Variants in NRXN3 observed in about 807,000 individuals in gnomAD.
NRXN3 encodes neurexin III.
Under a neutral mutation model 137.6 loss-of-function variants are expected in NRXN3, and 32 were observed. The observed-to-expected ratio is 0.23, with a 90% CI of 0.18 to 0.31. NRXN3 has a LOEUF of 0.31. Ranked by LOEUF, NRXN3 falls within the 10% of genes least tolerant of loss-of-function variation. The pLI, the probability that NRXN3 is intolerant of heterozygous loss-of-function variation, is 1.00. For synonymous variants in NRXN3, 798 were observed against 784.5 expected, an observed-to-expected ratio of 1.02 and a Z score of -0.29; for missense variants, 1,574 against 2,062.5, an observed-to-expected ratio of 0.76 and a Z score of 4.59.
intron 10 of NRXN3, among the ~76,000 whole-genome samples, chr14:78,877,865 C>T (rs536031326): frequency 2.0e-5 from 3 of 151,952 alleles, no homozygotes; most frequent in African/African-American, 7.3e-5. Context: ...ATGTTGGATT[C>T]GAGGAATTTA....
chr14:79,151,489 T>C lies in NRXN3; in HGVS notation c.3262+163348T>C, dbSNP rs73326720. On this transcript the variant is annotated intron_variant, in intron 15 of 20. Transcript: ENST00000335750. Reference sequence around the variant, plus strand: ...AGGGGCAGGAGGTTCCTGCCAATACTGATTGATGCCACGAATCAACTGGAG... The same window carrying C: ...AGGGGCAGGAGGTTCCTGCCAATACCGATTGATGCCACGAATCAACTGGAG... Among the ~76,000 whole-genome samples, 914 of 152,198 alleles carry C rather than the reference T, an allele frequency of 6.0e-3. 7 individuals carry two copies. Among genetic ancestry groups the C allele is most frequent in the African/African-American group, 0.02 (851 of 41,560 alleles).
At chr14:78,206,860 CTT>C (rs113050769) in intron 1 of NRXN3, among the ~76,000 whole-genome samples, 1 of 148,890 alleles carries the variant, frequency 6.7e-6, no homozygotes. Context: ...ATCGGACATT[CTT>C]TTTTTTTTGT....
At chr14:78,759,955 C>T (rs1017807177) in intron 8 of NRXN3, among the ~76,000 whole-genome samples, 2 of 150,878 alleles carry the variant, frequency 1.3e-5, no homozygotes, top group Non-Finnish European at 1.5e-5. Context: ...AGAAGAGAAA[C>T]AGAAGCACAG....
intron 4 of NRXN3, among the ~76,000 whole-genome samples, chr14:78,343,227 C>A (rs1456219412): frequency 6.6e-6 from 1 of 152,178 alleles, no homozygotes; most frequent in East Asian, 1.9e-4. Context: ...ATGCTTACAT[C>A]AACACCACAC....
chr14:79,345,128 C>T (rs2092803414), intron 15 of NRXN3, among the ~76,000 whole-genome samples: 1 of 151,922 alleles, frequency 6.6e-6, no homozygotes, highest in African/African-American at 2.4e-5. Context: ...TGGGTATTTG[C>T]ACGTTCCAAC....
At chr14:79,154,292 G>A (rs1226350662) in intron 15 of NRXN3, among the ~76,000 whole-genome samples, 2 of 151,790 alleles carry the variant, frequency 1.3e-5, no homozygotes, top group Non-Finnish European at 2.9e-5. Flanking sequence ...ACACTTGGAG[G>A]GCAGAGACTA....
chr14:79,345,741 C>T lies in NRXN3; in HGVS notation c.3263-121480C>T, dbSNP rs546821800. Among the ~76,000 whole-genome samples, 4 of 152,216 alleles carry T rather than the reference C, an allele frequency of 2.6e-5. No individual in the cohort carries two copies. In the East Asian group the frequency reaches 7.7e-4, roughly 29 times the overall value. Reference sequence around the variant, plus strand: ...CCTCCCTCCTTTGCTTTCTTTGTTCCTGCTGTCACCTTATGATACCCCCCT... The same window carrying T: ...CCTCCCTCCTTTGCTTTCTTTGTTCTTGCTGTCACCTTATGATACCCCCCT... On this transcript the variant is annotated intron_variant, in intron 15 of 20. Coordinates refer to ENST00000335750, the MANE Select transcript of NRXN3 (RefSeq NM_001330195.2).
intron 15 of NRXN3, among the ~76,000 whole-genome samples, chr14:79,012,082 T>C (rs757603037): frequency 7.2e-5 from 11 of 152,204 alleles, no homozygotes; most frequent in Non-Finnish European, 1.5e-4. Flanking sequence ...TAGTAAGTGA[T>C]AGAAAAATTC....
chr14:78,740,549 T>TC (rs1262576525), intron 8 of NRXN3, among the ~76,000 whole-genome samples: 1 of 151,120 alleles, frequency 6.6e-6, no homozygotes, highest in East Asian at 1.9e-4. Context: ...CTTTTCTTTT[T>TC]TTTTTTTTTA....
At chr14:78,737,889 A>G (rs560957476) in intron 8 of NRXN3, among the ~76,000 whole-genome samples, 3 of 152,190 alleles carry the variant, frequency 2.0e-5, no homozygotes, top group South Asian at 4.2e-4. Flanking sequence ...CTATCATCTC[A>G]TGCTATCTCC....
chr14:78,653,743 A>ACACACACG (rs398025852), intron 6 of NRXN3, among the ~76,000 whole-genome samples: 2 of 151,446 alleles, frequency 1.3e-5, no homozygotes, highest in African/African-American at 2.4e-5. Flanking sequence ...ACACACACAC[A>ACACACACG]TTTTTGCTGC....
chr14:79,045,181 C>T (rs2099631196), intron 15 of NRXN3, among the ~76,000 whole-genome samples: 1 of 152,112 alleles, frequency 6.6e-6, no homozygotes, highest in Admixed American at 6.5e-5. Context: ...AGCAAAGTGA[C>T]CTTGAGGGGG....
At chr14:79,262,323 A>G (rs1226673638) in intron 15 of NRXN3, among the ~76,000 whole-genome samples, 5 of 150,910 alleles carry the variant, frequency 3.3e-5, no homozygotes, top group Admixed American at 2.0e-4. Flanking sequence ...AGAAAAAAAG[A>G]AGGAGGAAGA....
chr14:79,529,769 A>T (rs1369835471), intron 16 of NRXN3, among the ~76,000 whole-genome samples: 1 of 152,210 alleles, frequency 6.6e-6, no homozygotes, highest in African/African-American at 2.4e-5. Flanking sequence ...TAGAGAGAGA[A>T]TTTTGATGGA....
chr14:79,744,801 T>A (rs570549885), intron 19 of NRXN3, among the ~76,000 whole-genome samples: 34 of 152,220 alleles, frequency 2.2e-4, no homozygotes, highest in African/African-American at 7.7e-4. Flanking sequence ...ATAATGGATG[T>A]TGGAGAAAGT....
chr14:78,943,621 AAT>A (rs60429358), intron 10 of NRXN3, among the ~76,000 whole-genome samples: 85 of 27,852 alleles, frequency 3.1e-3, no homozygotes, highest in Non-Finnish European at 4.0e-3. Context: ...AAAAAAAAAA[AAT>A]ATATATATAT....
At chr14:78,734,418 T>C (rs1006853351) in intron 8 of NRXN3, among the ~76,000 whole-genome samples, 6 of 152,204 alleles carry the variant, frequency 3.9e-5, no homozygotes, top group African/African-American at 9.6e-5. Context: ...ACAATGTCAT[T>C]TTAAATGATA....
At chr14:79,434,903 C>A (rs935714090) in intron 15 of NRXN3, among the ~76,000 whole-genome samples, 4 of 152,150 alleles carry the variant, frequency 2.6e-5, no homozygotes, top group Non-Finnish European at 4.4e-5. Flanking sequence ...ATCCAAACAT[C>A]CAGTCACCAT....
At chr14:78,550,207 G>T (rs2096673870) in intron 4 of NRXN3, among the ~76,000 whole-genome samples, 1 of 151,946 alleles carries the variant, frequency 6.6e-6, no homozygotes, top group Non-Finnish European at 1.5e-5. Context: ...GCTAAATTTT[G>T]TAATTTTTGT....
Sources: gnomAD v4.1 joint callset for allele counts (sites outside exome capture counted in the v4.1 genomes callset) on GRCh38, gnomAD v4.1.1 for gene constraint, MANE v1.5 for transcripts, NCBI Gene and HGNC (gene_info 2026-07-23, HGNC 2026-07-21) for gene names.